The following ANAPC4 variants were observed in gnomAD, a reference collection of about 807,000 sequenced individuals.
ANAPC4 encodes the protein anaphase-promoting complex subunit 4.
Under a neutral mutation model 119.8 loss-of-function variants are expected in ANAPC4, and 63 were observed. That is an observed-to-expected ratio of 0.53 (90% confidence interval 0.43 to 0.65). ANAPC4 has a LOEUF of 0.65. Ranked by LOEUF, ANAPC4 falls within the 30% of genes least tolerant of loss-of-function variation. ANAPC4 has a pLI of 0.00. For missense variants in ANAPC4, 716 were observed against 945.1 expected (o/e 0.76, Z 3.18); for synonymous variants, 283 against 318.6 (o/e 0.89, Z 1.19).
Position 25,405,768 on chromosome 4 carries a change from A to C in ANAPC4, c.1317+149A>C. 2 of 611,964 alleles carry C rather than the reference A, an allele frequency of 3.3e-6. No homozygotes were observed. The highest frequency in any genetic ancestry group is 5.6e-6 in the Non-Finnish European group (2 of 357,090). 37.9% of individuals were successfully genotyped at this position (611,964 alleles called of 1,614,324 possible). On this transcript the variant is annotated intron_variant, in intron 18 of 28. Coordinates refer to ENST00000315368, the MANE Select transcript of ANAPC4 (RefSeq NM_013367.3). The surrounding 1 kb of genome is among the most constrained non-coding windows in gnomAD (Gnocchi z 4.6). ...CCCTTAAGCACCACCTTTTTAAAAA[A>C]GAAATTTGCATGTTTTGTGTATTGT...
Position 25,394,733 on chromosome 4 carries a change from G to C in ANAPC4, c.984+20G>C. On this transcript the variant is annotated intron_variant, in intron 13 of 28. Transcript: ENST00000315368. ...GTAAAGGTGCAGTTAATGTATCTAT[G>C]TATTCAAATGGCTATGAACACATTC... is the stretch of plus-strand genomic sequence containing the variant. 1 of 1,604,670 alleles carries C rather than the reference G, an allele frequency of 6.2e-7. No homozygotes were observed. The highest frequency in any genetic ancestry group is 8.5e-7 in the Non-Finnish European group (1 of 1,177,006).
intron 7 of ANAPC4, among the ~76,000 whole-genome samples, chr4:25,389,793 C>T (rs189835175): frequency 2.0e-5 from 3 of 152,252 alleles, no homozygotes; most frequent in Non-Finnish European, 2.9e-5. Flanking sequence ...ATATATTTAG[C>T]ATCATAACCA....
intron 14 of ANAPC4, among the ~76,000 whole-genome samples, chr4:25,396,286 T>G (rs1439831386): frequency 1.3e-5 from 2 of 152,174 alleles, no homozygotes; most frequent in Non-Finnish European, 2.9e-5. Context: ...TTGATTGTGT[T>G]CACCGTTATG....
intron 22 of ANAPC4, 53 bp downstream of exon 22, chr4:25,413,795 A>C: frequency 7.5e-7 from 1 of 1,327,542 alleles, no homozygotes; most frequent in Non-Finnish European, 1.1e-6. Flanking sequence ...TGTCTACAGT[A>C]TGTGGCTCAC....
intron 16 of ANAPC4, among the ~76,000 whole-genome samples, chr4:25,398,675 T>C (rs1001772424): frequency 1.3e-5 from 2 of 152,116 alleles, no homozygotes; most frequent in Admixed American, 6.6e-5. Context: ...GAAAGATCCC[T>C]CTTGCTGCTC....
In ANAPC4 at chr4:25,418,146, CT is replaced by C; in HGVS notation, c.2200-3del. ...TTTAAAAATGCTTTTATGGCCTTTT[CT>C]TTTTTAGTTAAGCTCAAATCTTCGT... On this transcript the variant is annotated splice_region_variant and splice_polypyrimidine_tract_variant and intron_variant, in intron 28 of 28. Coordinates refer to ENST00000315368, the MANE Select transcript of ANAPC4 (RefSeq NM_013367.3). 6.2e-7 allele frequency: 1 copy of C among 1,605,106 alleles called. No individual in the cohort carries two copies. The highest frequency in any genetic ancestry group is 1.1e-5 in the South Asian group (1 of 88,682).
chr4:25,414,732 G>T lies in ANAPC4; in HGVS notation c.1826+32G>T, dbSNP rs540201925. 7 of 1,445,502 alleles carry T rather than the reference G, an allele frequency of 4.8e-6. No homozygotes were observed. The South Asian group carries it at 7.3e-5, about 15-fold the overall frequency. The allele number at this position is 1,445,502 out of a possible 1,614,324, so 89.5% of individuals were successfully genotyped here. On this transcript the variant is annotated intron_variant, in intron 25 of 28. Transcript: ENST00000315368. Reference sequence around the variant, plus strand: ...ATTAATCTGAAGTTTGAATCAAAGAGATAAGATTTTATTATTTGTAAGAAT... The same window carrying T: ...ATTAATCTGAAGTTTGAATCAAAGATATAAGATTTTATTATTTGTAAGAAT...
intron 22 of ANAPC4, chr4:25,413,995 G>A (rs1011780084): frequency 4.2e-6 from 2 of 476,588 alleles, no homozygotes; most frequent in East Asian, 6.8e-5. Flanking sequence ...TATTTTATTT[G>A]TTCCCAGAAG....
chr4:25,418,447 C>A lies in ANAPC4; in HGVS notation c.*65C>A. Reference sequence around the variant, plus strand: ...GGACATAGGAGATGGACTAAGATGTCTTGGACCACCTTTGTGTAACAAAGA... The same window carrying A: ...GGACATAGGAGATGGACTAAGATGTATTGGACCACCTTTGTGTAACAAAGA... On this transcript the variant is annotated 3_prime_UTR_variant, in exon 29 of 29. Transcript: ENST00000315368. 1 of 1,329,538 alleles carries A rather than the reference C, an allele frequency of 7.5e-7. No individual in the cohort carries two copies. The highest frequency in any genetic ancestry group is 1.3e-5 in the South Asian group (1 of 78,260). The allele number at this position is 1,329,538 out of a possible 1,614,324, so 82.4% of individuals were successfully genotyped here. A position where few individuals can be genotyped will look rare whatever the true frequency, so the allele number is the denominator to read the frequency against.
chr4:25,412,097 A>G (rs1374884989), intron 21 of ANAPC4, among the ~76,000 whole-genome samples: 2 of 152,118 alleles, frequency 1.3e-5, no homozygotes, highest in Non-Finnish European at 2.9e-5. Flanking sequence ...TTTTGCTAGA[A>G]TGGCTCACAA....
chr4:25,397,363 T>C (rs1722716659), intron 16 of ANAPC4, among the ~76,000 whole-genome samples: 1 of 152,146 alleles, frequency 6.6e-6, no homozygotes, highest in African/African-American at 2.4e-5. Flanking sequence ...CTGTTCCAGA[T>C]GCCTTCCTTA....
Position 25,393,825 on chromosome 4 carries a change from A to T in ANAPC4, c.810A>T (p.Thr270=). The T allele has an allele frequency of 6.2e-7, 1 of 1,607,028 alleles. No homozygotes were observed. The highest frequency in any genetic ancestry group is 8.5e-7 in the Non-Finnish European group (1 of 1,176,670). ...AATAGTATATAAATTTGTCACTAAC[A>T]TGTATGTGTGAAGCATGGGAAGAAA... The part of the protein sequence containing the change: ...ALLQYINLSL[T]CMCEAWEEIL... Residue 270 remains threonine (T), a synonymous_variant, in exon 11 of 29, where the codon ACA becomes ACT. Transcript: ENST00000315368.
rs553084850 is a variant in ANAPC4 at position 25,380,573 on chromosome 4, A to G, written c.235+94A>G. ...AGAAAGGATTTATTGTTCTTAGTAT[A>G]CATAAGAATTATAAATATCACTTTG... is the stretch of plus-strand genomic sequence containing the variant. On this transcript the variant is annotated intron_variant, in intron 3 of 28. Coordinates refer to ENST00000315368, the MANE Select transcript of ANAPC4 (RefSeq NM_013367.3). The G allele has an allele frequency of 8.1e-5, 67 of 830,656 alleles. 1 individual carries two copies. The South Asian group carries it at 2.0e-3, about 24-fold the overall frequency. 51.5% of individuals were successfully genotyped at this position (830,656 alleles called of 1,614,324 possible).
chr4:25,377,976 GT>G (rs1721501435), intron 2 of ANAPC4, among the ~76,000 whole-genome samples: 1 of 152,234 alleles, frequency 6.6e-6, no homozygotes, highest in Non-Finnish European at 1.5e-5. Context: ...AGTAGGAAGA[GT>G]TATTGTCAAA....
At chr4:25,395,927 A>G (rs114914150) in intron 14 of ANAPC4, among the ~76,000 whole-genome samples, 1,543 of 152,280 alleles carry the variant, frequency 0.01, 33 homozygotes, top group African/African-American at 0.035. Context: ...AAAAACTTCT[A>G]ATGCCTTCCG....
In ANAPC4 at chr4:25,417,736, TG is replaced by T; in HGVS notation, c.2197del (p.Val733CysfsTer2). The T allele has an allele frequency of 6.2e-7, 1 of 1,607,820 alleles. No individual in the cohort carries two copies. The highest frequency in any genetic ancestry group is 8.5e-7 in the Non-Finnish European group (1 of 1,178,058). ...GGAATGGTTTTCGAAAAGTGTCCTG[TG>T]TGGTAAGTGTTTAGAGATCGTTCAG... ...AGNGFRKVSC[V>X]LSSNLRHVRV... is the part of the protein sequence containing the mutation. On this transcript the variant is annotated frameshift_variant and splice_region_variant, in exon 28 of 29. Transcript: ENST00000315368. LOFTEE classifies it high-confidence loss of function.
intron 2 of ANAPC4, among the ~76,000 whole-genome samples, chr4:25,379,531 T>C (rs1721601008): frequency 6.6e-6 from 1 of 152,138 alleles, no homozygotes; most frequent in Admixed American, 6.5e-5. Flanking sequence ...GGATACAAAA[T>C]GGCCACCACC....
chr4:25,411,913 G>A lies in ANAPC4; in HGVS notation c.1526-1732G>A, dbSNP rs569327733. On this transcript the variant is annotated intron_variant, in intron 21 of 28. Coordinates refer to ENST00000315368, the MANE Select transcript of ANAPC4 (RefSeq NM_013367.3). The stretch of plus-strand genomic sequence containing the variant: ...CAATTCAATTCTGACACGAATTACA[G>A]ATAGTTAGCGCAGACCTCACAGGAT... 1.8e-4 allele frequency among the ~76,000 whole-genome samples: 27 copies of A among 152,254 alleles called. No homozygotes were observed. The South Asian group carries it at 5.0e-3, about 28-fold the overall frequency.
At chr4:25,409,887 A>G in intron 21 of ANAPC4, 96 bp downstream of exon 21, 1 of 781,098 alleles carries the variant, frequency 1.3e-6, no homozygotes, top group East Asian at 2.6e-5. Flanking sequence ...AAACTTGCTG[A>G]ACACTTACCT....
Sources: allele counts gnomAD v4.1 joint callset (sites outside exome capture counted in the v4.1 genomes callset), GRCh38; gene constraint gnomAD v4.1.1; non-coding constraint Gnocchi (gnomAD v3.1); transcripts MANE v1.5; gene names NCBI Gene and HGNC (gene_info 2026-07-23, HGNC 2026-07-21).